Variants in LAMC3 observed in about 807,000 individuals in gnomAD.
LAMC3 encodes the protein laminin subunit gamma-3.
In LAMC3, 128 loss-of-function variants were observed where a neutral mutation model predicts 173.8. The ratio of observed to expected loss-of-function variants is 0.74; its 90% CI spans 0.64 to 0.85. LAMC3 has a LOEUF of 0.85. Among genes scored for constraint, LAMC3 ranks in the 40% least tolerant of loss-of-function variants. LAMC3 has a pLI of 0.00. For synonymous variants in LAMC3, 897 were observed against 909.1 expected (o/e 0.99, Z 0.24); for missense variants, 2,022 against 2,156.0 (o/e 0.94, Z 1.23).
intron 19 of LAMC3, 50 bp from the exon 20 acceptor site, chr9:131,073,195 C>T (rs747107760): frequency 1.4e-6 from 2 of 1,380,660 alleles, no homozygotes; most frequent in East Asian, 4.6e-5. Context: ...GTGGCCCTTA[C>T]CCTTTGGCGA....
chr9:131,027,170 G>T (rs1833735230), intron 2 of LAMC3, among the ~76,000 whole-genome samples: 1 of 152,256 alleles, frequency 6.6e-6, no homozygotes. Context: ...GCTCCCAGGA[G>T]CCTGTGAGGG....
intron 8 of LAMC3, among the ~76,000 whole-genome samples, chr9:131,047,319 C>T (rs544171810): frequency 9.1e-4 from 138 of 151,180 alleles, no homozygotes; most frequent in African/African-American, 3.2e-3. Context: ...CACCCACCAC[C>T]ACGCCCAGCT....
At chr9:131,080,788 C>T (rs545927843) in intron 23 of LAMC3, among the ~76,000 whole-genome samples, 3 of 152,102 alleles carry the variant, frequency 2.0e-5, no homozygotes, top group Non-Finnish European at 4.4e-5. Context: ...CAGGCCCCAG[C>T]GTGTACAGAT....
At chr9:131,039,706 G>C (rs1834012110) in intron 6 of LAMC3, among the ~76,000 whole-genome samples, 1 of 151,924 alleles carries the variant, frequency 6.6e-6, no homozygotes, top group Non-Finnish European at 1.5e-5. Context: ...AGAGCCCAGT[G>C]CAAGGAGGAG....
intron 4 of LAMC3, among the ~76,000 whole-genome samples, chr9:131,036,847 C>T (rs187102141): frequency 2.6e-5 from 4 of 152,236 alleles, no homozygotes; most frequent in African/African-American, 9.6e-5. Context: ...CCACTGACTT[C>T]CCTTCTGGCT....
At chr9:131,022,127 C>G (rs1002982473) in intron 1 of LAMC3, among the ~76,000 whole-genome samples, 2 of 152,020 alleles carry the variant, frequency 1.3e-5, no homozygotes, top group African/African-American at 4.8e-5. Flanking sequence ...AAGGCAGAGG[C>G]CTGCCCCTGA....
At chr9:131,032,437 TCCTCCCTC>T (rs962434842) in intron 3 of LAMC3, among the ~76,000 whole-genome samples, 17 of 150,992 alleles carry the variant, frequency 1.1e-4, no homozygotes, top group South Asian at 1.1e-3. Context: ...GTTCCTTCCT[TCCTCCCTC>T]CCTCCCTCCC....
At position 131,026,167 on chromosome 9, in the gene LAMC3, A is replaced by T. The variant is rs1315511824; in HGVS notation, c.374-118A>T. On this transcript the variant is annotated intron_variant, in intron 1 of 27. Coordinates refer to ENST00000361069, the MANE Select transcript of LAMC3 (RefSeq NM_006059.4). This position sits in a 1 kb window ranked among gnomAD's most constrained non-coding sequence, Gnocchi z 4.8. Reference sequence around the variant, plus strand: ...TGGCTTCCCCTGTCCAGAGCTCCAGACAGCTTCCAGCGATCCATCCACGCT... The same window carrying T: ...TGGCTTCCCCTGTCCAGAGCTCCAGTCAGCTTCCAGCGATCCATCCACGCT... 1.4e-5 allele frequency: 21 copies of T among 1,549,162 alleles called. No homozygotes were observed. Among genetic ancestry groups the T allele is most frequent in the Non-Finnish European group, 1.7e-5 (20 of 1,147,002 alleles).
At position 131,009,549 on chromosome 9, in the gene LAMC3, T is replaced by G; in HGVS notation, c.335T>G (p.Val112Gly). The G allele has an allele frequency of 6.4e-7, 1 of 1,569,186 alleles. No homozygotes were observed. Among genetic ancestry groups the G allele is most frequent in the Non-Finnish European group, 8.6e-7 (1 of 1,157,766 alleles). ...CAGAGCCCGTCCATGGCCTTCGGCG[T>G]GCAGTACCCCACCTCGGTCAACATC... is the stretch of plus-strand genomic sequence containing the variant. ...WWQSPSMAFG[V>G]QYPTSVNITL... The change falls in exon 1 of 28, where the codon GTG (valine) becomes GGG (glycine). Residue 112 changes from valine to glycine, a missense_variant. By Grantham distance (109) the Val-to-Gly change is moderately radical. Coordinates refer to ENST00000361069, the MANE Select transcript of LAMC3 (RefSeq NM_006059.4). The surrounding 1 kb of genome is among the most constrained non-coding windows in gnomAD (Gnocchi z 4.3).
Position 131,075,908 on chromosome 9 carries a change from T to C in LAMC3, c.3572T>C (p.Leu1191Pro). 6.2e-7 allele frequency: 1 copy of C among 1,612,002 alleles called. No individual in the cohort carries two copies. The highest frequency in any genetic ancestry group is 2.2e-5 in the East Asian group (1 of 44,812). The part of the protein sequence containing the change: ...LLASNTSYAL[L>P]WNLLEGRVAL... ...GCCTCCAACACCAGCTACGCGCTTCTCTGGAATCTGCTGGAGGGAAGGGTG... is the reference window on the plus strand; with the variant it reads ...GCCTCCAACACCAGCTACGCGCTTCCCTGGAATCTGCTGGAGGGAAGGGTG... The change falls in exon 21 of 28, where the codon CTC (leucine) becomes CCC (proline). Residue 1191 changes from leucine (L) to proline (P), a missense_variant. Leu to Pro is a moderately conservative substitution (Grantham distance 98). Transcript: ENST00000361069.
intron 12 of LAMC3, among the ~76,000 whole-genome samples, chr9:131,058,663 G>A (rs1829740178): frequency 1.3e-5 from 2 of 151,946 alleles, no homozygotes; most frequent in African/African-American, 2.4e-5. Context: ...GGAGGCTGAG[G>A]TGGGCGGATC....
At chr9:131,060,991 T>C (rs912740629) in intron 12 of LAMC3, 44 bp from the exon 13 acceptor site, 18 of 1,604,186 alleles carry the variant, frequency 1.1e-5, no homozygotes, top group Non-Finnish European at 1.5e-5. Flanking sequence ...CCACCATCTC[T>C]GGGCATTCTG....
In LAMC3 at chr9:131,049,071, A is replaced by C; in HGVS notation, c.1571A>C (p.Gln524Pro). The C allele has an allele frequency of 1.3e-6, 2 of 1,552,378 alleles. No individual in the cohort carries two copies. The highest frequency in any genetic ancestry group is 1.7e-6 in the Non-Finnish European group (2 of 1,147,374). ...GTGGGGGGCTCTGAGCACCCCCCAC[A>C]ATGGAGCCCAAATGGGGTCCTCCTG... ...RSVGGSEHPP[Q>P]WSPNGVLLSP... The change falls in exon 9 of 28, where the codon CAA becomes CCA. Residue 524 changes from glutamine (Q) to proline (P), a missense_variant. Physicochemically the swap from Gln to Pro is moderately conservative, Grantham distance 76. Coordinates refer to ENST00000361069, the MANE Select transcript of LAMC3 (RefSeq NM_006059.4).
Position 131,009,386 on chromosome 9 carries a change from C to A in LAMC3, c.172C>A (p.Pro58Thr). Residue 58 changes from proline (P) to threonine (T), a missense_variant, in exon 1 of 28, where the codon CCC (proline) becomes ACC (threonine). Pro to Thr is a conservative substitution (Grantham distance 38). Coordinates refer to ENST00000361069, the MANE Select transcript of LAMC3 (RefSeq NM_006059.4). The surrounding 1 kb of genome is among the most constrained non-coding windows in gnomAD (Gnocchi z 4.3). ...AQASHTCGSP[P>T]EDFCPHVGAA... ...GGCCTCGCACACGTGCGGCAGCCCG[C>A]CCGAGGACTTCTGTCCCCACGTGGG... 1 of 1,531,370 alleles carries A rather than the reference C, an allele frequency of 6.5e-7. No homozygotes were observed. 94.9% of individuals were successfully genotyped at this position (1,531,370 alleles called of 1,614,324 possible). A position where few individuals can be genotyped will look rare whatever the true frequency, so the allele number is the denominator to read the frequency against.
At chr9:131,057,249 G>A (rs1391387139) in intron 12 of LAMC3, 102 bp downstream of exon 12, 2 of 1,021,124 alleles carry the variant, frequency 2.0e-6, no homozygotes, top group Admixed American at 1.9e-5. Context: ...GCATTGAGGT[G>A]TTGGCCAAGC....
At chr9:131,043,234 C>G (rs533263342) in intron 7 of LAMC3, among the ~76,000 whole-genome samples, 3 of 152,334 alleles carry the variant, frequency 2.0e-5, no homozygotes, top group African/African-American at 7.2e-5. Flanking sequence ...CATAAACTTC[C>G]TCTTTCAAGT....
At chr9:131,033,515 G>T (rs553178731) in intron 3 of LAMC3, among the ~76,000 whole-genome samples, 24 of 152,240 alleles carry the variant, frequency 1.6e-4, no homozygotes, top group African/African-American at 5.3e-4. Context: ...GAGGGCAGGC[G>T]GGTGGGCGTG....
At position 131,075,926 on chromosome 9, in the gene LAMC3, G is replaced by A; in HGVS notation, c.3590G>A (p.Gly1197Glu). 2 of 1,611,060 alleles carry A rather than the reference G, an allele frequency of 1.2e-6. No individual in the cohort carries two copies. Among genetic ancestry groups the A allele is most frequent in the South Asian group, 1.1e-5 (1 of 90,730 alleles). Residue 1197 changes from glycine to glutamate, a missense_variant, in exon 21 of 28, where the codon GGA becomes GAA. Transcript: ENST00000361069. ...GCGCTTCTCTGGAATCTGCTGGAGG[G>A]AAGGGTGGCCCTAGAGACCCAGCGG... ...SYALLWNLLE[G>E]RVALETQRDL...
chr9:131,083,513 C>T (rs1025752833), intron 24 of LAMC3, among the ~76,000 whole-genome samples: 1 of 149,802 alleles, frequency 6.7e-6, no homozygotes, highest in African/African-American at 2.5e-5. Flanking sequence ...CCTATTGATA[C>T]GCTCTGCCAA....
Sources: gnomAD v4.1 joint callset for allele counts (sites outside exome capture counted in the v4.1 genomes callset) on GRCh38, gnomAD v4.1.1 for gene constraint, Gnocchi (gnomAD v3.1) non-coding constraint, MANE v1.5 for transcripts, NCBI Gene and HGNC (gene_info 2026-07-23, HGNC 2026-07-21) for gene names.